The following OGFOD2 variants were observed in gnomAD, a reference collection of about 807,000 sequenced individuals.
OGFOD2 encodes the protein 2-oxoglutarate and iron dependent oxygenase domain containing 2.
In OGFOD2, 34 loss-of-function variants were observed where a neutral mutation model predicts 31.1. The ratio of observed to expected loss-of-function variants is 1.09; its 90% CI spans 0.83 to 1.45. The LOEUF (loss-of-function observed/expected upper bound fraction) is 1.45, where lower values mean the gene tolerates loss of function less well. Among genes scored for constraint, OGFOD2 ranks in the 40% most tolerant of loss-of-function variants. The probability of loss-of-function intolerance (pLI) is 0.00; values close to 1 mark genes in which losing one functional copy is unlikely to be tolerated. For synonymous variants in OGFOD2, 240 were observed against 192.3 expected, an observed-to-expected ratio of 1.25 and a Z score of -2.05; for missense variants, 537 against 433.9, an observed-to-expected ratio of 1.24 and a Z score of -2.11.
chr12:122,979,255 G>A, exon 7 of OGFOD2: 1 of 1,612,960 alleles, frequency 6.2e-7, no homozygotes, highest in Non-Finnish European at 8.5e-7. Context: ...CCCATGTGCT[G>A]CCGTGAGCCC....
Position 122,975,807 on chromosome 12 carries a change from C to T in OGFOD2, c.133-4C>T, listed in dbSNP as rs2037404875. On this transcript the variant is annotated splice_polypyrimidine_tract_variant and splice_region_variant and intron_variant, in intron 1 of 6. Coordinates refer to ENST00000228922, the Ensembl canonical transcript of OGFOD2. The stretch of plus-strand genomic sequence containing the variant: ...GTCATGCTCAGTGTTCTTTCTGCTC[C>T]CAGATCCTGCGCAGCCGAGGCTGTG... The T allele has an allele frequency of 7.1e-6, 5 of 702,920 alleles. No individual in the cohort carries two copies. The highest frequency in any genetic ancestry group is 1.3e-5 in the Non-Finnish European group (5 of 384,930). The allele number at this position is 702,920 out of a possible 1,614,324, so 43.5% of individuals were successfully genotyped here.
intron 2 of OGFOD2, 30 bp from the exon 3 acceptor site, chr12:122,976,624 C>T: frequency 1.3e-6 from 2 of 1,496,086 alleles, no homozygotes; most frequent in Non-Finnish European, 1.9e-6. Context: ...ATGGGAGGCC[C>T]CACCTGGTAA....
exon 7 of OGFOD2, chr12:122,979,113 G>A (rs775740980): frequency 1.2e-6 from 2 of 1,601,882 alleles, no homozygotes; most frequent in Admixed American, 3.3e-5. Flanking sequence ...GCCCCTGGAG[G>A]TGGAGCACGT....
exon 2 of OGFOD2, chr12:122,975,820 A>C: frequency 1.4e-6 from 1 of 702,960 alleles, no homozygotes; most frequent in Non-Finnish European, 2.6e-6. Context: ...GATCCTGCGC[A>C]GCCGAGGCTG....
upstream of OGFOD2, chr12:122,975,091 C>T (rs1373563355): frequency 2.2e-5 from 11 of 493,628 alleles, no homozygotes; most frequent in South Asian, 3.5e-4. Flanking sequence ...GGCCCAGGAG[C>T]ATCTTTCTCC....
exon 7 of OGFOD2, chr12:122,979,302 A>G: frequency 1.2e-6 from 2 of 1,612,268 alleles, no homozygotes; most frequent in South Asian, 1.1e-5. Flanking sequence ...TGATGGCTTC[A>G]CCCGAGAGGA....
exon 7 of OGFOD2, chr12:122,979,655 A>G (rs1329785184): frequency 2.5e-6 from 1 of 395,974 alleles, no homozygotes; most frequent in Non-Finnish European, 4.6e-6. Context: ...CCACAGTACC[A>G]CAGTGTGCCC....
intron 3 of OGFOD2, 34 bp from the exon 4 acceptor site, chr12:122,976,833 GTGCT>G (rs2037448610): frequency 1.3e-6 from 2 of 1,595,462 alleles, no homozygotes; most frequent in African/African-American, 1.3e-5. Flanking sequence ...AGGGCTGGGG[GTGCT>G]GCCTGCCCCA....
exon 4 of OGFOD2, chr12:122,976,928 G>A (rs376280200): frequency 6.3e-5 from 101 of 1,613,618 alleles, no homozygotes; most frequent in Middle Eastern, 3.3e-4. Flanking sequence ...GTCCCCAGAC[G>A]CAGACCTCAA....
rs772297280 is a variant in OGFOD2, at chr12:122,979,236, A to G, written c.943A>G (p.Ser315Gly). ...GCTCCGAGCCTCTGCTGTGCGCAAC[A>G]GCCTCTGTCCCATGTGCTGCCGTGA... Residue 315 changes from serine to glycine, a missense_variant, in exon 7 of 7, where the codon AGC becomes GGC. Coordinates refer to ENST00000228922, the Ensembl canonical transcript of OGFOD2. The G allele has an allele frequency of 1.9e-5, 30 of 1,612,832 alleles. No individual in the cohort carries two copies. The East Asian group carries it at 6.7e-4, about 36-fold the overall frequency.
Position 122,976,864 on chromosome 12 carries a change from C to T in OGFOD2, c.304-7C>T, listed in dbSNP as rs373054866. ...CCTGCCCCACAGCTGGTGTGTTTTG[C>T]TCCCAGGATGCAGCTCTGGCCCCCG... On this transcript the variant is annotated splice_polypyrimidine_tract_variant and splice_region_variant and intron_variant, in intron 3 of 6. Coordinates refer to ENST00000228922, the Ensembl canonical transcript of OGFOD2. The T allele has an allele frequency of 3.1e-6, 5 of 1,600,416 alleles. No homozygotes were observed. Among genetic ancestry groups the T allele is most frequent in the South Asian group, 1.1e-5 (1 of 90,016 alleles).
chr12:122,976,231 C>T, intron 2 of OGFOD2: 2 of 689,260 alleles, frequency 2.9e-6, no homozygotes, highest in Non-Finnish European at 5.1e-6. Context: ...GGGCTCCTCA[C>T]ACCTTACCAT....
At chr12:122,976,031 G>A in intron 2 of OGFOD2, 164 bp downstream of exon 2, 1 of 608,910 alleles carries the variant, frequency 1.6e-6, no homozygotes, top group Admixed American at 2.7e-5. Flanking sequence ...CTGAGTCTTG[G>A]CACCAGGAGA....
At chr12:122,978,245 A>C (rs1052884643) in intron 4 of OGFOD2, 197 bp from the exon 5 acceptor site, 4 of 609,140 alleles carry the variant, frequency 6.6e-6, no homozygotes, top group African/African-American at 5.6e-5. Flanking sequence ...GAGTCTGGGG[A>C]AAGGTTCCGG....
chr12:122,975,753 AGAG>A, intron 1 of OGFOD2, 55 bp from the exon 2 acceptor site: 2 of 414,402 alleles, frequency 4.8e-6, no homozygotes, highest in Non-Finnish European at 1.1e-5. Flanking sequence ...TGAGGCTTAG[AGAG>A]TGAAGGGATT....
chr12:122,979,619 G>A, exon 7 of OGFOD2: 1 of 495,668 alleles, frequency 2.0e-6, no homozygotes. Flanking sequence ...GCCTCAGCTG[G>A]CCCCACGGAG....
In OGFOD2 at chr12:122,979,026, A is replaced by G; in HGVS notation, c.789+16A>G. The G allele has an allele frequency of 3.1e-6, 5 of 1,609,546 alleles. No individual in the cohort carries two copies. The highest frequency in any genetic ancestry group is 4.2e-6 in the Non-Finnish European group (5 of 1,177,290). On this transcript the variant is annotated intron_variant, in intron 6 of 6. Transcript: ENST00000228922. ...CCTCTTCCAGGTGAGTGTGTGACCC[A>G]TGCGGCAGGGCCTGGGGCAGCTGTG... is the stretch of plus-strand genomic sequence containing the variant.
chr12:122,976,643 T>C lies in OGFOD2; in HGVS notation c.190-11T>C. Reference sequence around the variant, plus strand: ...GAGGCCCCACCTGGTAACAACCCTGTGCCACCCCAGCTTGAGCAGGAGGTG... The same window carrying C: ...GAGGCCCCACCTGGTAACAACCCTGCGCCACCCCAGCTTGAGCAGGAGGTG... On this transcript the variant is annotated splice_polypyrimidine_tract_variant and intron_variant, in intron 2 of 6. Transcript: ENST00000228922. The C allele has an allele frequency of 5.1e-6, 8 of 1,571,264 alleles. No individual in the cohort carries two copies. Among genetic ancestry groups the C allele is most frequent in the Non-Finnish European group, 7.0e-6 (8 of 1,141,200 alleles).
exon 7 of OGFOD2, chr12:122,979,130 C>A: frequency 1.9e-6 from 3 of 1,605,260 alleles, no homozygotes; most frequent in Non-Finnish European, 2.6e-6. Flanking sequence ...ACGTGGTGGG[C>A]CAGGGTGTCC....
Sources: allele counts gnomAD v4.1 joint callset, GRCh38; gene constraint gnomAD v4.1.1; transcripts MANE v1.5; gene names NCBI Gene and HGNC (gene_info 2026-07-23, HGNC 2026-07-21).